Variants in CENPP observed in about 807,000 individuals in gnomAD.
CENPP encodes centromere protein P.
A neutral mutation model predicts 35.6 loss-of-function variants in CENPP; 24 were observed. That is an observed-to-expected ratio of 0.67 (90% CI 0.49 to 0.95). The LOEUF is 0.95. Ranked by LOEUF, CENPP falls within the 40% of genes least tolerant of loss-of-function variation. CENPP has a pLI of 0.00. For missense variants in CENPP, 332 were observed against 345.3 expected, an observed-to-expected ratio of 0.96 and a Z score of 0.31; for synonymous variants, 120 against 125.5, an observed-to-expected ratio of 0.96 and a Z score of 0.29.
At chr9:92,522,674 C>A in intron 5 of CENPP, 1 of 1,614,112 alleles carries the variant, frequency 6.2e-7, no homozygotes, top group Non-Finnish European at 8.5e-7. Flanking sequence ...GGAAGTCTTG[C>A]TACTGGTGTA....
chr9:92,372,739 A>G lies in CENPP; in HGVS notation c.468-7024A>G, dbSNP rs115546489. Among the ~76,000 whole-genome samples, 258 of 152,016 alleles carry G rather than the reference A, an allele frequency of 1.7e-3. 1 individual carries two copies. Among genetic ancestry groups the G allele is most frequent in the African/African-American group, 5.7e-3 (237 of 41,502 alleles). On this transcript the variant is annotated intron_variant, in intron 4 of 7. Transcript: ENST00000375587. ...GCCAGTTATTTTCTTCACACACTGAATATATCATTCCATTCTCTTCTGGCC... is the reference window on the plus strand; with the variant it reads ...GCCAGTTATTTTCTTCACACACTGAGTATATCATTCCATTCTCTTCTGGCC...
chr9:92,376,354 A>G (rs539907912), intron 4 of CENPP, among the ~76,000 whole-genome samples: 3 of 152,190 alleles, frequency 2.0e-5, no homozygotes, highest in Non-Finnish European at 2.9e-5. Flanking sequence ...CTGTGTAGCT[A>G]TGTCTTCATG....
chr9:92,478,029 A>T (rs1344693131), intron 5 of CENPP, among the ~76,000 whole-genome samples: 1 of 152,222 alleles, frequency 6.6e-6, no homozygotes, highest in African/African-American at 2.4e-5. Flanking sequence ...CATTTATAAA[A>T]ACATATATTC....
chr9:92,571,348 A>G (rs1280414416), intron 5 of CENPP, among the ~76,000 whole-genome samples: 4 of 152,320 alleles, frequency 2.6e-5, no homozygotes, highest in African/African-American at 9.6e-5. Context: ...CCCATTAGTC[A>G]TTCAGGAGCA....
At chr9:92,380,896 T>A (rs912467015) in intron 5 of CENPP, among the ~76,000 whole-genome samples, 5 of 152,206 alleles carry the variant, frequency 3.3e-5, no homozygotes, top group Admixed American at 3.3e-4. Flanking sequence ...GATTTGACTC[T>A]ACGTGCTTTC....
At chr9:92,461,970 C>CTT (rs1016703312) in intron 5 of CENPP, among the ~76,000 whole-genome samples, 1 of 151,732 alleles carries the variant, frequency 6.6e-6, no homozygotes, top group East Asian at 1.9e-4. Context: ...AGTATTTATT[C>CTT]TTTCTTTTCT....
chr9:92,411,225 G>A (rs1843436703), intron 5 of CENPP, among the ~76,000 whole-genome samples: 1 of 152,108 alleles, frequency 6.6e-6, no homozygotes, highest in South Asian at 2.1e-4. Context: ...GCCCTCCTCG[G>A]CCTCCCAAAG....
intron 2 of CENPP, among the ~76,000 whole-genome samples, chr9:92,335,274 T>C (rs1028976749): frequency 1.3e-5 from 2 of 152,242 alleles, no homozygotes; most frequent in African/African-American, 4.8e-5. Flanking sequence ...ATAGTGTTCA[T>C]CTATAAAGAA....
At chr9:92,478,259 G>C (rs1048551723) in intron 5 of CENPP, among the ~76,000 whole-genome samples, 20 of 152,104 alleles carry the variant, frequency 1.3e-4, no homozygotes, top group African/African-American at 3.6e-4. Context: ...GTAATCAAAG[G>C]TTTCTCATAC....
Position 92,600,321 on chromosome 9 carries a change from CTGTT to C in CENPP, c.565-10987_565-10984del, listed in dbSNP as rs543031624. 309 of 1,502,200 alleles carry C rather than the reference CTGTT, an allele frequency of 2.1e-4. 2 individuals are homozygous for C. In the African/African-American group the frequency reaches 3.6e-3, roughly 17 times the overall value. 93.1% of individuals were successfully genotyped at this position (1,502,200 alleles called of 1,614,324 possible). ...GGCCCATTATTCATGCTTGCATTTGCTGTTTGTTTATTAAAATTCCCCAGCTCTT... is the reference window on the plus strand; with the variant it reads ...GGCCCATTATTCATGCTTGCATTTGCTGTTTATTAAAATTCCCCAGCTCTT... On this transcript the variant is annotated intron_variant, in intron 5 of 7. Coordinates refer to ENST00000375587, the MANE Select transcript of CENPP (RefSeq NM_001012267.3).
chr9:92,417,335 G>A, intron 5 of CENPP: 1 of 1,614,000 alleles, frequency 6.2e-7, no homozygotes. Flanking sequence ...ACAGTACATT[G>A]ATGATGGAAA....
intron 4 of CENPP, among the ~76,000 whole-genome samples, chr9:92,357,717 C>T (rs1841629781): frequency 6.6e-6 from 1 of 151,976 alleles, no homozygotes. Flanking sequence ...AGGCTTATCT[C>T]CGATTCCCGA....
intron 5 of CENPP, among the ~76,000 whole-genome samples, chr9:92,575,547 C>G (rs748325922): frequency 4.1e-4 from 62 of 152,298 alleles, no homozygotes; most frequent in Non-Finnish European, 5.7e-4. Flanking sequence ...GGCGCGGTGG[C>G]TCACGCCTGT....
At chr9:92,351,584 ACTAT>A (rs1841445576) in intron 4 of CENPP, among the ~76,000 whole-genome samples, 1 of 152,050 alleles carries the variant, frequency 6.6e-6, no homozygotes, top group Non-Finnish European at 1.5e-5. Flanking sequence ...TTTGATTAAT[ACTAT>A]CTAAGTATTA....
At chr9:92,339,118 G>A (rs1841026261) in intron 3 of CENPP, among the ~76,000 whole-genome samples, 2 of 152,230 alleles carry the variant, frequency 1.3e-5, no homozygotes, top group Admixed American at 1.3e-4. Context: ...ACAGAACAGG[G>A]AAGGGCTGTC....
chr9:92,548,599 T>C (rs969729914), intron 5 of CENPP, among the ~76,000 whole-genome samples: 1 of 152,066 alleles, frequency 6.6e-6, no homozygotes, highest in Non-Finnish European at 1.5e-5. Flanking sequence ...CTTTATACAG[T>C]GAGATAATGA....
chr9:92,326,118 C>T lies in CENPP; in HGVS notation c.107+13C>T, dbSNP rs1235053118. On this transcript the variant is annotated intron_variant, in intron 1 of 7. Transcript: ENST00000375587. ...AGTCCCGAGTCCAGTACGTGACCAC[C>T]CCAAGTCCCCCAGGGCCCGCTGGCC... 6.7e-7 allele frequency: 1 copy of T among 1,497,840 alleles called. No homozygotes were observed. Among genetic ancestry groups the T allele is most frequent in the Non-Finnish European group, 9.0e-7 (1 of 1,108,236 alleles). 92.8% of individuals were successfully genotyped at this position (1,497,840 alleles called of 1,614,324 possible).
chr9:92,615,582 G>A lies in CENPP; in HGVS notation c.*2433G>A, dbSNP rs1316645458. The A allele has an allele frequency of 2.1e-6, 1 of 475,160 alleles. No homozygotes were observed. The highest frequency in any genetic ancestry group is 3.8e-6 in the Non-Finnish European group (1 of 260,998). The allele number at this position is 475,160 out of a possible 1,614,324, so 29.4% of individuals were successfully genotyped here. ...AGAACTATCCAGAACGTCTTCCCAG[G>A]GCTTAACGGACACTTCCATTTTAAG... On this transcript the variant is annotated 3_prime_UTR_variant, in exon 8 of 8. Transcript: ENST00000375587.
Position 92,418,415 on chromosome 9 carries a change from T to A in CENPP, c.564+38556T>A, listed in dbSNP as rs549529362. Among the ~76,000 whole-genome samples, 123 of 151,988 alleles carry A rather than the reference T, an allele frequency of 8.1e-4. 1 individual carries two copies. Among genetic ancestry groups the A allele is most frequent in the African/African-American group, 2.8e-3 (117 of 41,446 alleles). ...ATTTTTTTTTTTTTTAAGTCACATA[T>A]TACACTGAACTTGAGTCAAAAGTCT... On this transcript the variant is annotated intron_variant, in intron 5 of 7. Transcript: ENST00000375587.
Sources: gnomAD v4.1 joint callset for allele counts (sites outside exome capture counted in the v4.1 genomes callset) on GRCh38, gnomAD v4.1.1 for gene constraint, MANE v1.5 for transcripts, NCBI Gene and HGNC (gene_info 2026-07-23, HGNC 2026-07-21) for gene names.